Variants in NDC1 observed in about 807,000 individuals in gnomAD.
The protein encoded by NDC1 is NDC1 transmembrane nucleoporin.
In NDC1, 24 loss-of-function variants were observed where a neutral mutation model predicts 89.8. That is an observed-to-expected ratio of 0.27 (90% confidence interval 0.19 to 0.38). NDC1 has a LOEUF of 0.38. Among genes scored for constraint, NDC1 ranks in the 10% least tolerant of loss-of-function variants. The pLI is 1.00. For missense variants in NDC1, 728 were observed against 797.6 expected (o/e 0.91, Z 1.05); for synonymous variants, 296 against 284.8 (o/e 1.04, Z -0.39).
intron 3 of NDC1, among the ~76,000 whole-genome samples, chr1:53,831,097 T>C (rs1471901650): frequency 6.6e-6 from 1 of 151,450 alleles, no homozygotes; most frequent in Non-Finnish European, 1.5e-5. Flanking sequence ...TGGTGGCGGG[T>C]GCCTGTAGTC....
chr1:53,768,514 C>T (rs1365709465), intron 17 of NDC1, among the ~76,000 whole-genome samples: 1 of 152,070 alleles, frequency 6.6e-6, no homozygotes, highest in Non-Finnish European at 1.5e-5. Context: ...TTTACTTCTC[C>T]CTTTGAACAT....
At chr1:53,775,234 C>T (rs190416625) in intron 16 of NDC1, among the ~76,000 whole-genome samples, 96 of 152,162 alleles carry the variant, frequency 6.3e-4, no homozygotes, top group African/African-American at 2.3e-3. Context: ...TTCTTTGCAC[C>T]TTAATTGCAA....
intron 16 of NDC1, among the ~76,000 whole-genome samples, chr1:53,779,539 C>T (rs1647187672): frequency 6.6e-6 from 1 of 152,106 alleles, no homozygotes; most frequent in Non-Finnish European, 1.5e-5. Context: ...GCCATACTGC[C>T]ATTCTATCGT....
At chr1:53,788,069 A>C (rs1647363487) in intron 15 of NDC1, among the ~76,000 whole-genome samples, 2 of 152,126 alleles carry the variant, frequency 1.3e-5, no homozygotes, top group Non-Finnish European at 2.9e-5. Context: ...TGAAGTAGAG[A>C]AAGATATAAA....
chr1:53,825,752 T>C (rs772096460), intron 5 of NDC1, 46 bp downstream of exon 5: 1 of 1,534,438 alleles, frequency 6.5e-7, no homozygotes, highest in East Asian at 2.3e-5. Flanking sequence ...AAGGCAATTT[T>C]ACCTCAGCCA....
Position 53,767,608 on chromosome 1 carries a change from A to C in NDC1, c.*362T>G, listed in dbSNP as rs929678085. 1 of 163,594 alleles carries C rather than the reference A, an allele frequency of 6.1e-6. No individual in the cohort carries two copies. The highest frequency in any genetic ancestry group is 1.3e-5 in the Non-Finnish European group (1 of 75,874). The allele number at this position is 163,594 out of a possible 1,614,324, so 10.1% of individuals were successfully genotyped here. A position where few individuals can be genotyped will look rare whatever the true frequency, so the allele number is the denominator to read the frequency against. On this transcript the variant is annotated 3_prime_UTR_variant, in exon 18 of 18. Transcript: ENST00000371429. The stretch of plus-strand genomic sequence containing the variant: ...TAAGAAGACTATGAAATCAACCTAT[A>C]CTCATTTCAGAACTGGCTTCCCTCC...
intron 16 of NDC1, among the ~76,000 whole-genome samples, chr1:53,782,579 A>G (rs1647221714): frequency 6.6e-6 from 1 of 152,254 alleles, no homozygotes; most frequent in Non-Finnish European, 1.5e-5. Flanking sequence ...ACTGTACAGA[A>G]GCAGCAAGGA....
In NDC1 at chr1:53,767,671, T is replaced by C. The variant is rs189645775; in HGVS notation, c.*299A>G. On this transcript the variant is annotated 3_prime_UTR_variant, in exon 18 of 18. Transcript: ENST00000371429. ...ATTCTAAAAGTTTTTTAGTTATTAC[T>C]ATTAAGTTATATGAGCTAGAGACAT... 5.7e-4 allele frequency: 129 copies of C among 225,296 alleles called. No homozygotes were observed. The East Asian group carries it at 6.4e-3, about 11-fold the overall frequency. The allele number at this position is 225,296 out of a possible 1,614,324, so 14.0% of individuals were successfully genotyped here. A position where few individuals can be genotyped will look rare whatever the true frequency, so the allele number is the denominator to read the frequency against.
intron 4 of NDC1, 111 bp downstream of exon 4, chr1:53,827,887 AC>A: frequency 1.4e-6 from 1 of 740,398 alleles, no homozygotes; most frequent in Non-Finnish European, 2.0e-6. Context: ...TGCAAAAAGC[AC>A]CTTTTGCAGA....
intron 6 of NDC1, among the ~76,000 whole-genome samples, chr1:53,814,324 C>T (rs1300878686): frequency 1.3e-5 from 2 of 152,066 alleles, no homozygotes; most frequent in Non-Finnish European, 2.9e-5. Context: ...CATCGCACTC[C>T]AGCCTGGGCA....
At chr1:53,828,855 A>C (rs1417969865) in intron 3 of NDC1, among the ~76,000 whole-genome samples, 1 of 151,726 alleles carries the variant, frequency 6.6e-6, no homozygotes, top group Non-Finnish European at 1.5e-5. Flanking sequence ...CAGGTGATCC[A>C]CCCACCTTGG....
rs1647885887 is a variant in NDC1, at chr1:53,800,807, A to C, written c.1108T>G (p.Leu370Val). The change falls in exon 11 of 18, where the codon TTG becomes GTG. Residue 370 changes from leucine (L) to valine (V), a missense_variant. Leu to Val is a conservative substitution (Grantham distance 32, BLOSUM62 1). Transcript: ENST00000371429. ...HNWTAISREC[L>V]NLLNGMTQKL... ...TGAGTCATACCATTTAAAAGATTCA[A>C]ACACTCCCTTGAAATGGCTGTCCAA... 2 of 1,612,180 alleles carry C rather than the reference A, an allele frequency of 1.2e-6. No individual in the cohort carries two copies. Among genetic ancestry groups the C allele is most frequent in the Non-Finnish European group, 1.7e-6 (2 of 1,179,114 alleles).
At chr1:53,809,377 G>T (rs1212967225) in intron 7 of NDC1, among the ~76,000 whole-genome samples, 1 of 151,668 alleles carries the variant, frequency 6.6e-6, no homozygotes, top group East Asian at 1.9e-4. Context: ...TTTGAGACAG[G>T]GTCTCGCTCT....
chr1:53,819,660 G>T (rs1230365538), intron 5 of NDC1, among the ~76,000 whole-genome samples: 1 of 152,168 alleles, frequency 6.6e-6, no homozygotes, highest in South Asian at 2.1e-4. Context: ...TTTTAAAAAT[G>T]CTCTTTGCAA....
intron 16 of NDC1, among the ~76,000 whole-genome samples, chr1:53,786,765 G>A (rs566365282): frequency 5.3e-5 from 8 of 152,156 alleles, no homozygotes; most frequent in Middle Eastern, 6.8e-3. Flanking sequence ...TGGTGAAATC[G>A]TAGCTCACTG....
chr1:53,803,414 G>A (rs1181147), intron 10 of NDC1, among the ~76,000 whole-genome samples: 38,553 of 151,758 alleles, frequency 0.25, 5,898 homozygotes, highest in African/African-American at 0.43. Flanking sequence ...AAAATTGTCA[G>A]TGTACTAAAT....
At chr1:53,814,956 G>A (rs945536067) in intron 6 of NDC1, among the ~76,000 whole-genome samples, 3 of 152,216 alleles carry the variant, frequency 2.0e-5, no homozygotes, top group South Asian at 4.1e-4. Context: ...AGATTGAAAT[G>A]GTAATTTTAA....
At chr1:53,795,862 T>G (rs1332958766) in intron 13 of NDC1, among the ~76,000 whole-genome samples, 1 of 152,212 alleles carries the variant, frequency 6.6e-6, no homozygotes, top group African/African-American at 2.4e-5. Flanking sequence ...GACCATACGG[T>G]GACTTTCCAT....
intron 6 of NDC1, among the ~76,000 whole-genome samples, chr1:53,812,578 T>C (rs1474260032): frequency 1.3e-5 from 2 of 152,122 alleles, no homozygotes; most frequent in African/African-American, 4.8e-5. Context: ...AAGGAGAATA[T>C]GGACAAGGTC....
Sources: gnomAD v4.1 joint callset for allele counts (sites outside exome capture counted in the v4.1 genomes callset) on GRCh38, gnomAD v4.1.1 for gene constraint, MANE v1.5 for transcripts, NCBI Gene and HGNC (gene_info 2026-07-23, HGNC 2026-07-21) for gene names.